Variants in PGS1 observed in about 807,000 individuals in gnomAD.
PGS1 encodes CDP-diacylglycerol--glycerol-3-phosphate 3-phosphatidyltransferase, mitochondrial.
Under a neutral mutation model 58.3 loss-of-function variants are expected in PGS1, and 44 were observed. The observed-to-expected ratio is 0.75, with a 90% CI of 0.59 to 0.97. The LOEUF (loss-of-function observed/expected upper bound fraction) is 0.97, where lower values mean the gene tolerates loss of function less well. Ranked by LOEUF, PGS1 falls within the 50% of genes least tolerant of loss-of-function variation. PGS1 has a pLI of 0.00. For synonymous variants in PGS1, 330 were observed against 311.0 expected (o/e 1.06, Z -0.64); for missense variants, 684 against 731.1 (o/e 0.94, Z 0.74).
intron 7 of PGS1, among the ~76,000 whole-genome samples, chr17:78,406,914 C>T (rs967545103): frequency 3.9e-5 from 6 of 152,232 alleles, no homozygotes; most frequent in Admixed American, 2.0e-4. Flanking sequence ...GACTCTGCCA[C>T]GGGTTATTTC....
chr17:78,405,090 C>T (rs1303355660), intron 7 of PGS1, among the ~76,000 whole-genome samples: 4 of 152,094 alleles, frequency 2.6e-5, no homozygotes, highest in Non-Finnish European at 4.4e-5. Context: ...CTCTGCCTCC[C>T]GGGTTCAAAT....
intron 7 of PGS1, among the ~76,000 whole-genome samples, chr17:78,411,497 C>A (rs1199438295): frequency 2.0e-5 from 3 of 152,208 alleles, no homozygotes; most frequent in African/African-American, 4.8e-5. Context: ...GCCGCCTCTG[C>A]TTCCCCTGCA....
chr17:78,383,712 G>A (rs2082192312), intron 1 of PGS1, among the ~76,000 whole-genome samples: 1 of 152,212 alleles, frequency 6.6e-6, no homozygotes, highest in African/African-American at 2.4e-5. Flanking sequence ...TGGCTGGGAA[G>A]GGGATATTTA....
rs2083262403 is a variant in PGS1, at chr17:78,396,862, A to C, written c.411+477A>C. ...CACAGCCACACTCATTCATTTGTGT[A>C]TTGTCTGTGGTCACTTTCATGCTGC... On this transcript the variant is annotated intron_variant, in intron 3 of 9. Transcript: ENST00000262764. 3.3e-5 allele frequency among the ~76,000 whole-genome samples: 5 copies of C among 152,234 alleles called. No individual in the cohort carries two copies. The South Asian group carries it at 1.0e-3, about 31-fold the overall frequency.
intron 2 of PGS1, among the ~76,000 whole-genome samples, chr17:78,395,086 G>A (rs1360568260): frequency 6.6e-6 from 1 of 152,184 alleles, no homozygotes; most frequent in South Asian, 2.1e-4. Flanking sequence ...CTTCTGGTTT[G>A]TGTCACACCG....
At position 78,378,750 on chromosome 17, in the gene PGS1, G is replaced by A; in HGVS notation, c.85G>A (p.Ala29Thr). ...CCTGCCTGGCCGCCCAGGGCTGGCC[G>A]CGCTCCTGGGACGCCTGTCCGACCG... ...GLLPGRPGLA[A>T]LLGRLSDRLG... The change falls in exon 1 of 10, where the codon GCG (alanine) becomes ACG (threonine). Residue 29 changes from alanine to threonine, a missense_variant. Transcript: ENST00000262764. The A allele has an allele frequency of 6.6e-7, 1 of 1,505,182 alleles. No homozygotes were observed. Among genetic ancestry groups the A allele is most frequent in the Non-Finnish European group, 8.8e-7 (1 of 1,133,822 alleles). The allele number at this position is 1,505,182 out of a possible 1,614,324, so 93.2% of individuals were successfully genotyped here. A position where few individuals can be genotyped will look rare whatever the true frequency, so the allele number is the denominator to read the frequency against.
chr17:78,386,002 C>T (rs2082358347), intron 1 of PGS1, among the ~76,000 whole-genome samples: 1 of 152,204 alleles, frequency 6.6e-6, no homozygotes, highest in Admixed American at 6.5e-5. Context: ...TCCTCCCCTC[C>T]CCAAGGCACC....
chr17:78,416,029 C>CGAG (rs2085157957), intron 8 of PGS1, among the ~76,000 whole-genome samples: 1 of 152,132 alleles, frequency 6.6e-6, no homozygotes, highest in Non-Finnish European at 1.5e-5. Flanking sequence ...TGTTGATGGA[C>CGAG]GAGGAAATGG....
chr17:78,397,902 C>T (rs1261259205), intron 3 of PGS1, among the ~76,000 whole-genome samples: 1 of 152,216 alleles, frequency 6.6e-6, no homozygotes, highest in African/African-American at 2.4e-5. Context: ...ACGAGGAGGG[C>T]ACTGTTGGTT....
At chr17:78,393,702 A>C (rs2083002309) in intron 2 of PGS1, among the ~76,000 whole-genome samples, 1 of 152,090 alleles carries the variant, frequency 6.6e-6, no homozygotes, top group Admixed American at 6.5e-5. Flanking sequence ...CTCTGTCTTA[A>C]GTGTGTGCCT....
At chr17:78,397,480 A>G (rs1045607782) in intron 3 of PGS1, among the ~76,000 whole-genome samples, 20 of 130,626 alleles carry the variant, frequency 1.5e-4, no homozygotes, top group African/African-American at 4.7e-4. Flanking sequence ...CTTGTTGCCC[A>G]GGCTGGAGTG....
In PGS1 at chr17:78,424,406, G is replaced by C; in HGVS notation, c.*356G>C. ...TCGGGTTCCATCCGTTTAAATCTGT[G>C]GCATTTTCAGAGCCTCATCTGTCAG... On this transcript the variant is annotated 3_prime_UTR_variant, in exon 10 of 10. Transcript: ENST00000262764. The C allele has an allele frequency of 2.2e-6, 1 of 445,524 alleles. No individual in the cohort carries two copies. Among genetic ancestry groups the C allele is most frequent in the African/African-American group, 1.9e-5 (1 of 51,760 alleles). 27.6% of individuals were successfully genotyped at this position (445,524 alleles called of 1,614,324 possible).
intron 4 of PGS1, 44 bp from the exon 5 acceptor site, chr17:78,399,304 C>T (rs1296808128): frequency 6.5e-7 from 1 of 1,533,260 alleles, no homozygotes; most frequent in Admixed American, 1.7e-5. Flanking sequence ...GGCAGGACGC[C>T]TTCCTGTTGT....
At chr17:78,405,146 C>T (rs1290142692) in intron 7 of PGS1, among the ~76,000 whole-genome samples, 3 of 150,098 alleles carry the variant, frequency 2.0e-5, no homozygotes, top group Non-Finnish European at 4.5e-5. Flanking sequence ...TACAGGCATG[C>T]ACCATTACGC....
chr17:78,418,772 A>AT (rs1335398749), intron 8 of PGS1, among the ~76,000 whole-genome samples: 5 of 152,104 alleles, frequency 3.3e-5, no homozygotes, highest in African/African-American at 1.2e-4. Flanking sequence ...CCTTGCCCTC[A>AT]GCACTAAGCG....
intron 2 of PGS1, among the ~76,000 whole-genome samples, chr17:78,395,583 A>G (rs4969180): frequency 0.99 from 150,534 of 152,298 alleles, 74,423 homozygotes; most frequent in Middle Eastern, 1. Flanking sequence ...TCTGGGGTGG[A>G]GCTGCTAGGG....
At chr17:78,401,823 C>A (rs1031363776) in intron 6 of PGS1, among the ~76,000 whole-genome samples, 1 of 152,204 alleles carries the variant, frequency 6.6e-6, no homozygotes, top group African/African-American at 2.4e-5. Flanking sequence ...TACCTAGCAT[C>A]CTCAGCTTTG....
intron 7 of PGS1, among the ~76,000 whole-genome samples, chr17:78,410,102 CAAAAACAAAACAAAACAAAACAAAACAG>C (rs1471315076): frequency 7.7e-6 from 1 of 129,120 alleles, no homozygotes; most frequent in Non-Finnish European, 1.7e-5. Flanking sequence ...GACTCCGTCT[CAAAAACAAAACAAAACAAAACAAAACAG>C]AAAAACAAAA....
intron 1 of PGS1, among the ~76,000 whole-genome samples, chr17:78,390,887 G>C (rs2082775267): frequency 6.6e-6 from 1 of 152,126 alleles, no homozygotes; most frequent in African/African-American, 2.4e-5. Context: ...AATGGTGTGT[G>C]ACCCCACCAA....
Sources: gnomAD v4.1 joint callset for allele counts (sites outside exome capture counted in the v4.1 genomes callset) on GRCh38, gnomAD v4.1.1 for gene constraint, MANE v1.5 for transcripts, NCBI Gene and HGNC (gene_info 2026-07-23, HGNC 2026-07-21) for gene names.